Variants in FGD4 observed in about 807,000 individuals in gnomAD.
FGD4 encodes the protein FYVE, RhoGEF and PH domain containing 4.
A neutral mutation model predicts 102.0 loss-of-function variants in FGD4; 42 were observed. The observed-to-expected ratio is 0.41, with a 90% CI of 0.32 to 0.53. FGD4 has a LOEUF of 0.53. FGD4 is among the 20% of genes least tolerant of loss of function. The probability of loss-of-function intolerance (pLI) is 0.21; values close to 1 mark genes in which losing one functional copy is unlikely to be tolerated. For synonymous variants in FGD4, 380 were observed against 375.7 expected (o/e 1.01, Z -0.13); for missense variants, 902 against 1,078.2 (o/e 0.84, Z 2.29).
chr12:32,588,253 T>C (rs973808704), intron 4 of FGD4, among the ~76,000 whole-genome samples: 1 of 152,144 alleles, frequency 6.6e-6, no homozygotes, highest in Non-Finnish European at 1.5e-5. Context: ...ACTTGAGTAA[T>C]TGAACAAAGT....
In FGD4 at chr12:32,423,387, C is replaced by A. The variant is rs150272818; in HGVS notation, c.166+23428C>A. Among the ~76,000 whole-genome samples the A allele has an allele frequency of 1.8e-3, 276 of 151,580 alleles. 1 individual carries two copies. Among genetic ancestry groups the A allele is most frequent in the African/African-American group, 6.3e-3 (259 of 41,410 alleles). ...CGGGCAGATCACTAGGTGAGGAGAT[C>A]GAGACCATCCTGGCCAACATGGTTA... is the stretch of plus-strand genomic sequence containing the variant. On this transcript the variant is annotated intron_variant, in intron 1 of 16. Coordinates refer to ENST00000534526, the MANE Select transcript of FGD4 (RefSeq NM_001370298.3).
intron 1 of FGD4, among the ~76,000 whole-genome samples, chr12:32,408,630 T>C (rs2733705): frequency 0.54 from 82,508 of 151,966 alleles, 23,384 homozygotes; most frequent in African/African-American, 0.71. Flanking sequence ...ACTGTGTGGA[T>C]CTGCCTTGCT....
intron 1 of FGD4, among the ~76,000 whole-genome samples, chr12:32,530,808 CA>C (rs1255197487): frequency 6.6e-6 from 1 of 151,956 alleles, no homozygotes; most frequent in East Asian, 1.9e-4. Flanking sequence ...ATAAATTTGC[CA>C]AGTTTTTTGT....
intron 4 of FGD4, among the ~76,000 whole-genome samples, chr12:32,587,611 G>A (rs1373838383): frequency 6.6e-6 from 1 of 151,960 alleles, no homozygotes; most frequent in Non-Finnish European, 1.5e-5. Context: ...GGCTGGTCTT[G>A]AACTCCTGAG....
At chr12:32,602,474 T>TA (rs1190710822) in intron 7 of FGD4, among the ~76,000 whole-genome samples, 157 bp downstream of exon 7, 1 of 152,218 alleles carries the variant, frequency 6.6e-6, no homozygotes, top group Non-Finnish European at 1.5e-5. Flanking sequence ...AATGCTGAAA[T>TA]ACGTATCAGT....
intron 2 of FGD4, 82 bp from the exon 3 acceptor site, chr12:32,576,183 AT>A: frequency 1.4e-6 from 2 of 1,380,950 alleles, no homozygotes; most frequent in Non-Finnish European, 9.9e-7. Context: ...AATGCTGAAT[AT>A]TTTTGCACCC....
chr12:32,563,577 C>T (rs1485288645), intron 1 of FGD4, among the ~76,000 whole-genome samples: 1 of 151,870 alleles, frequency 6.6e-6, no homozygotes, highest in Admixed American at 6.5e-5. Flanking sequence ...GGCAGAGACG[C>T]TCCTCACTTC....
chr12:32,542,853 A>C (rs1942948415), intron 1 of FGD4, among the ~76,000 whole-genome samples: 1 of 152,192 alleles, frequency 6.6e-6, no homozygotes, highest in Non-Finnish European at 1.5e-5. Context: ...GACTTTTCAT[A>C]TAAGGGGATG....
chr12:32,638,523 A>T, intron 15 of FGD4, 132 bp from the exon 16 acceptor site: 1 of 1,237,600 alleles, frequency 8.1e-7, no homozygotes, highest in Non-Finnish European at 1.1e-6. Flanking sequence ...TAAAATGTTT[A>T]AACAATAATT....
intron 1 of FGD4, among the ~76,000 whole-genome samples, chr12:32,413,317 A>AT (rs1306313734): frequency 6.6e-6 from 1 of 152,076 alleles, no homozygotes; most frequent in Non-Finnish European, 1.5e-5. Flanking sequence ...AGAAAAAAAA[A>AT]CTTTTAACAA....
intron 1 of FGD4, among the ~76,000 whole-genome samples, chr12:32,406,060 T>C (rs7315797): frequency 0.54 from 82,452 of 151,746 alleles, 23,400 homozygotes; most frequent in African/African-American, 0.71. Context: ...TCTCCTGCCT[T>C]ATCCTCCCGA....
chr12:32,611,280 C>G lies in FGD4; in HGVS notation c.1746C>G (p.Phe582Leu). 6.2e-7 allele frequency: 1 copy of G among 1,614,132 alleles called. No individual in the cohort carries two copies. The highest frequency in any genetic ancestry group is 8.5e-7 in the Non-Finnish European group (1 of 1,180,028). Residue 582 changes from phenylalanine (F) to leucine (L), a missense_variant, in exon 10 of 17, where the codon TTC becomes TTG. Around this residue, in one of 2 missense-constraint regions of FGD4, gnomAD observed 459 missense variants for 619.0 expected, o/e 0.74. Transcript: ENST00000534526. ...RNTSAQERYLFLFNNMLLYCV... is the reference protein window; with the variant it reads ...RNTSAQERYLLLFNNMLLYCV... ...CTTCAGCACAAGAACGCTACCTTTT[C>G]TTAGTGAGTATTATAGTGTTGGCAA...
intron 3 of FGD4, among the ~76,000 whole-genome samples, chr12:32,577,430 T>C (rs1054366589): frequency 6.6e-6 from 1 of 152,224 alleles, no homozygotes; most frequent in Non-Finnish European, 1.5e-5. Context: ...AATGAAATCA[T>C]AGCTTGGAAA....
Position 32,625,768 on chromosome 12 carries a change from G to A in FGD4, c.2161G>A (p.Ala721Thr). The A allele has an allele frequency of 6.2e-7, 1 of 1,613,976 alleles. No individual in the cohort carries two copies. The highest frequency in any genetic ancestry group is 8.5e-7 in the Non-Finnish European group (1 of 1,179,982). Residue 721 changes from alanine (A) to threonine (T), a missense_variant, in exon 14 of 17, where the codon GCA becomes ACA. Transcript: ENST00000534526. ...ALTRRRHHCR[A>T]CGYVVCWKCS... ...GACACGAAGGAGGCATCATTGTCGA[G>A]CATGTGGATATGTAAGTGAGATTTC...
At chr12:32,446,485 G>A (rs1372360526) in intron 1 of FGD4, among the ~76,000 whole-genome samples, 1 of 152,162 alleles carries the variant, frequency 6.6e-6, no homozygotes, top group Non-Finnish European at 1.5e-5. Context: ...TGTTTGTTCA[G>A]ATTCTTTTCT....
intron 2 of FGD4, among the ~76,000 whole-genome samples, chr12:32,571,322 G>C (rs1945643254): frequency 6.6e-6 from 1 of 152,050 alleles, no homozygotes; most frequent in African/African-American, 2.4e-5. Flanking sequence ...GGGTGTGGTG[G>C]CAGGTTCCTG....
At chr12:32,440,773 C>T (rs1340940357) in intron 1 of FGD4, among the ~76,000 whole-genome samples, 2 of 152,208 alleles carry the variant, frequency 1.3e-5, no homozygotes, top group African/African-American at 4.8e-5. Context: ...AGGTCCCCCA[C>T]AGCCAGAAGT....
chr12:32,592,535 G>T (rs1050449550), intron 4 of FGD4, among the ~76,000 whole-genome samples: 57 of 152,076 alleles, frequency 3.7e-4, no homozygotes, highest in African/African-American at 1.3e-3. Context: ...ACAAGTAGTG[G>T]TTATGTAACT....
intron 14 of FGD4, among the ~76,000 whole-genome samples, chr12:32,631,066 T>A (rs1365506634): frequency 1.3e-5 from 2 of 152,236 alleles, no homozygotes; most frequent in African/African-American, 4.8e-5. Context: ...ACTTCATAAA[T>A]TCCCCTGTTG....
Sources: gnomAD v4.1 joint callset for allele counts (sites outside exome capture counted in the v4.1 genomes callset) on GRCh38, gnomAD v4.1.1 for gene constraint, gnomAD v4.1.1 regional missense constraint, MANE v1.5 for transcripts, NCBI Gene and HGNC (gene_info 2026-07-23, HGNC 2026-07-21) for gene names.